RAB3C: variants seen among roughly 807,000 people sequenced by gnomAD.
RAB3C encodes RAB3C, member RAS oncogene family.
RAB3C carries 17 observed loss-of-function variants against 26.4 expected under a neutral mutation model. That is an observed-to-expected ratio of 0.64 (90% CI 0.44 to 0.97). The LOEUF is 0.97. RAB3C is among the 50% of genes least tolerant of loss of function. The probability of loss-of-function intolerance (pLI) is 0.00; values close to 1 mark genes in which losing one functional copy is unlikely to be tolerated. For synonymous variants in RAB3C, 91 were observed against 95.9 expected, an observed-to-expected ratio of 0.95 and a Z score of 0.30; for missense variants, 242 against 281.9, an observed-to-expected ratio of 0.86 and a Z score of 1.01.
At chr5:58,806,225 A>G (rs530985484) in intron 3 of RAB3C, among the ~76,000 whole-genome samples, 9 of 152,346 alleles carry the variant, frequency 5.9e-5, no homozygotes, top group Admixed American at 4.6e-4. Context: ...TTTACTAAAC[A>G]GTAAAATGAT....
At chr5:58,663,020 A>T (rs1747935505) in intron 2 of RAB3C, among the ~76,000 whole-genome samples, 1 of 150,308 alleles carries the variant, frequency 6.7e-6, no homozygotes, top group Non-Finnish European at 1.5e-5. Flanking sequence ...TTGCCATTGA[A>T]GAAAGAGCTG....
intron 2 of RAB3C, among the ~76,000 whole-genome samples, chr5:58,653,166 T>G (rs1166056348): frequency 6.6e-6 from 1 of 151,052 alleles, no homozygotes. Context: ...GATGTTCCCC[T>G]CCCTGTGCCC....
rs754452373 is a variant in RAB3C, at chr5:58,857,900, T to C, written c.*6549T>C. ...GATAACGAAAAGCTATAAATGTTTA[T>C]GTATGTGAATTTTAAATTAGAATAA... On this transcript the variant is annotated 3_prime_UTR_variant, in exon 5 of 5. Transcript: ENST00000282878. 5 of 152,228 alleles carry C rather than the reference T, an allele frequency of 3.3e-5. No homozygotes were observed. Among genetic ancestry groups the C allele is most frequent in the Non-Finnish European group, 7.3e-5 (5 of 68,028 alleles). The allele number at this position is 152,228 out of a possible 1,614,324, so 9.4% of individuals were successfully genotyped here.
At chr5:58,842,891 C>T (rs1236649070) in intron 4 of RAB3C, among the ~76,000 whole-genome samples, 4 of 151,210 alleles carry the variant, frequency 2.6e-5, no homozygotes, top group African/African-American at 9.7e-5. Flanking sequence ...GATATTAGTA[C>T]ATATTAGAAA....
Position 58,818,528 on chromosome 5 carries a change from T to C in RAB3C, c.372-6510T>C, listed in dbSNP as rs577038263. Among the ~76,000 whole-genome samples, 5 of 152,316 alleles carry C rather than the reference T, an allele frequency of 3.3e-5. No individual in the cohort carries two copies. In the South Asian group the frequency reaches 1.0e-3, roughly 32 times the overall value. On this transcript the variant is annotated intron_variant, in intron 3 of 4. Coordinates refer to ENST00000282878, the MANE Select transcript of RAB3C (RefSeq NM_138453.4). ...TTTGTTTTGTTTTGTTTTAGCTAAA[T>C]GGCAAGTAAATAACAGGCTTTTTAG...
Position 58,760,190 on chromosome 5 carries a change from A to AT in RAB3C, c.371+34080dup, listed in dbSNP as rs36053149. Among the ~76,000 whole-genome samples the AT allele has an allele frequency of 1.3e-3, 188 of 149,650 alleles. 1 individual carries two copies. The highest frequency in any genetic ancestry group is 2.8e-3 in the South Asian group (13 of 4,674). ...AATGCATAGGATAAATGTGCAATGGATTTTTTTTTTGTCCATCAGATTTGG... is the reference window on the plus strand; with the variant it reads ...AATGCATAGGATAAATGTGCAATGGATTTTTTTTTTTGTCCATCAGATTTGG... On this transcript the variant is annotated intron_variant, in intron 3 of 4. Coordinates refer to ENST00000282878, the MANE Select transcript of RAB3C (RefSeq NM_138453.4).
At chr5:58,725,297 AC>A (rs1234380481) in intron 2 of RAB3C, among the ~76,000 whole-genome samples, 1 of 151,850 alleles carries the variant, frequency 6.6e-6, no homozygotes, top group African/African-American at 2.4e-5. Flanking sequence ...CTGTTGTCAG[AC>A]AAATTGGAGC....
intron 1 of RAB3C, among the ~76,000 whole-genome samples, chr5:58,612,520 GTATATATA>G (rs200928384): frequency 0.16 from 12,819 of 78,176 alleles, 1,086 homozygotes; most frequent in East Asian, 0.32. Flanking sequence ...GTGTGTGTGT[GTATATATA>G]TATATATATA....
At chr5:58,827,772 G>T (rs945473449) in intron 4 of RAB3C, among the ~76,000 whole-genome samples, 1 of 152,152 alleles carries the variant, frequency 6.6e-6, no homozygotes, top group Non-Finnish European at 1.5e-5. Flanking sequence ...AATGTGGCTT[G>T]TTCTCCTCAT....
chr5:58,662,307 G>T (rs746615479), intron 2 of RAB3C, among the ~76,000 whole-genome samples: 19 of 150,142 alleles, frequency 1.3e-4, no homozygotes, highest in Non-Finnish European at 2.5e-4. Flanking sequence ...GGGGTGTGCT[G>T]TTGTTCAATA....
intron 4 of RAB3C, 150 bp downstream of exon 4, chr5:58,825,312 A>G (rs1207352962): frequency 1.2e-6 from 1 of 838,436 alleles, no homozygotes; most frequent in Non-Finnish European, 1.7e-6. Flanking sequence ...TAAGTGGACA[A>G]TATATTTTCT....
At position 58,677,619 on chromosome 5, in the gene RAB3C, T is replaced by G. The variant is rs190587511; in HGVS notation, c.253-48383T>G. Among the ~76,000 whole-genome samples the G allele has an allele frequency of 8.1e-5, 12 of 148,596 alleles. 1 individual carries two copies. The highest frequency in any genetic ancestry group is 8.0e-4 in the Admixed American group (12 of 15,024). ...ACCCAATAAATAAATATAAAAATAT[T>G]GACACCAATGCTCAATAAATTTCTT... On this transcript the variant is annotated intron_variant, in intron 2 of 4. Transcript: ENST00000282878.
chr5:58,678,432 T>C (rs1297457042), intron 2 of RAB3C, among the ~76,000 whole-genome samples: 1 of 152,146 alleles, frequency 6.6e-6, no homozygotes, highest in Non-Finnish European at 1.5e-5. Flanking sequence ...TGCCTGACCA[T>C]TGGTTAGTGT....
intron 1 of RAB3C, among the ~76,000 whole-genome samples, chr5:58,587,066 T>C (rs1235670512): frequency 6.6e-6 from 1 of 152,160 alleles, no homozygotes; most frequent in Non-Finnish European, 1.5e-5. Context: ...AAATTCTTCC[T>C]TACTCCATTT....
chr5:58,646,757 G>A lies in RAB3C; in HGVS notation c.252+28887G>A, dbSNP rs543852499. On this transcript the variant is annotated intron_variant, in intron 2 of 4. Coordinates refer to ENST00000282878, the MANE Select transcript of RAB3C (RefSeq NM_138453.4). Reference sequence around the variant, plus strand: ...ACCACTTGTGGGGGCAGGGAAAGCCGGCCCCATGCATCTCTAGGGTGGGTT... The same window carrying A: ...ACCACTTGTGGGGGCAGGGAAAGCCAGCCCCATGCATCTCTAGGGTGGGTT... Among the ~76,000 whole-genome samples, 15 of 152,202 alleles carry A rather than the reference G, an allele frequency of 9.9e-5. No homozygotes were observed. In the East Asian group the frequency reaches 1.7e-3, roughly 18 times the overall value.
chr5:58,641,227 A>G (rs1282220398), intron 2 of RAB3C, among the ~76,000 whole-genome samples: 1 of 152,146 alleles, frequency 6.6e-6, no homozygotes, highest in Non-Finnish European at 1.5e-5. Flanking sequence ...AGTAGTCAAT[A>G]GAATGCGTAG....
intron 2 of RAB3C, among the ~76,000 whole-genome samples, chr5:58,626,203 G>C (rs1167700710): frequency 6.6e-6 from 1 of 151,828 alleles, no homozygotes; most frequent in Non-Finnish European, 1.5e-5. Flanking sequence ...CTTTCATTAA[G>C]TTTCTTTTTT....
At chr5:58,747,139 A>G (rs1741418085) in intron 3 of RAB3C, among the ~76,000 whole-genome samples, 1 of 152,162 alleles carries the variant, frequency 6.6e-6, no homozygotes, top group Non-Finnish European at 1.5e-5. Context: ...TTCTGACCAA[A>G]TCTCTTTTTA....
chr5:58,691,902 T>C (rs1211414560), intron 2 of RAB3C, among the ~76,000 whole-genome samples: 1 of 152,214 alleles, frequency 6.6e-6, no homozygotes, highest in Non-Finnish European at 1.5e-5. Flanking sequence ...GAATCTTCCA[T>C]TCTTCCCTTC....
Sources: gnomAD v4.1 joint callset for allele counts (sites outside exome capture counted in the v4.1 genomes callset) on GRCh38, gnomAD v4.1.1 for gene constraint, MANE v1.5 for transcripts, NCBI Gene and HGNC (gene_info 2026-07-23, HGNC 2026-07-21) for gene names.